MXD1: variants seen among roughly 807,000 people sequenced by gnomAD.
MXD1 encodes the protein MAX dimerization protein 1, also known as MAX-binding protein.
Under a neutral mutation model 25.7 loss-of-function variants are expected in MXD1, and 9 were observed. That is an observed-to-expected ratio of 0.35 (90% confidence interval 0.21 to 0.61). MXD1 has a LOEUF of 0.61. MXD1 is among the 20% of genes least tolerant of loss of function. The pLI is 0.75. For synonymous variants in MXD1, 99 were observed against 113.9 expected, an observed-to-expected ratio of 0.87 and a Z score of 0.83; for missense variants, 227 against 292.4, an observed-to-expected ratio of 0.78 and a Z score of 1.63.
At chr2:69,923,193 A>G (rs1677103893) in intron 3 of MXD1, among the ~76,000 whole-genome samples, 1 of 152,128 alleles carries the variant, frequency 6.6e-6, no homozygotes, top group Non-Finnish European at 1.5e-5. Context: ...CCTTACCCTT[A>G]GCAATTCTGA....
chr2:69,926,182 A>G (rs1350758694), intron 3 of MXD1, among the ~76,000 whole-genome samples: 3 of 152,214 alleles, frequency 2.0e-5, no homozygotes, highest in Admixed American at 6.5e-5. Flanking sequence ...CCAGTTTATC[A>G]TTTAGCTATA....
chr2:69,938,557 G>T lies in MXD1; in HGVS notation c.*273G>T. On this transcript the variant is annotated 3_prime_UTR_variant, in exon 6 of 6. Coordinates refer to ENST00000264444, the MANE Select transcript of MXD1 (RefSeq NM_002357.4). ...ATCCAAGAATTCTTAGACCGAATAA[G>T]CAATGTCCACATCTCAGCAATCCCC... 1 of 384,346 alleles carries T rather than the reference G, an allele frequency of 2.6e-6. No homozygotes were observed. Among genetic ancestry groups the T allele is most frequent in the Admixed American group, 4.2e-5 (1 of 24,092 alleles). 23.8% of individuals were successfully genotyped at this position (384,346 alleles called of 1,614,324 possible). A position where few individuals can be genotyped will look rare whatever the true frequency, so the allele number is the denominator to read the frequency against.
At position 69,942,394 on chromosome 2, in the gene MXD1, T is replaced by C. The variant is rs562636362; in HGVS notation, c.*4110T>C. On this transcript the variant is annotated 3_prime_UTR_variant, in exon 6 of 6. Transcript: ENST00000264444. ...TCATTATCAATATTACATGGATGAT[T>C]TTCTCAGATTCTTCTGAAAGAAGAA... The C allele has an allele frequency of 6.6e-6, 1 of 152,298 alleles. No homozygotes were observed. Among genetic ancestry groups the C allele is most frequent in the Admixed American group, 6.5e-5 (1 of 15,296 alleles). The allele number at this position is 152,298 out of a possible 1,614,324, so 9.4% of individuals were successfully genotyped here.
chr2:69,920,519 C>T (rs907802940), intron 2 of MXD1, among the ~76,000 whole-genome samples: 5 of 152,096 alleles, frequency 3.3e-5, no homozygotes, highest in Non-Finnish European at 7.4e-5. Context: ...CCCACATTCA[C>T]TCTCCTTACC....
intron 4 of MXD1, 104 bp downstream of exon 4, chr2:69,935,569 A>G: frequency 1.3e-6 from 1 of 749,738 alleles, no homozygotes; most frequent in Non-Finnish European, 2.4e-6. Context: ...CCTCCAGTCT[A>G]GCTATTGGAT....
At chr2:69,923,724 A>G (rs762639706) in intron 3 of MXD1, among the ~76,000 whole-genome samples, 95 of 152,306 alleles carry the variant, frequency 6.2e-4, no homozygotes, top group African/African-American at 2.3e-3. Flanking sequence ...TTAGCTATTT[A>G]CATATCATGA....
chr2:69,927,108 A>T (rs1485219929), intron 3 of MXD1, among the ~76,000 whole-genome samples: 2 of 152,350 alleles, frequency 1.3e-5, no homozygotes, highest in East Asian at 3.9e-4. Flanking sequence ...TTTCAGTGGC[A>T]TCTGGTCTGG....
intron 3 of MXD1, among the ~76,000 whole-genome samples, chr2:69,931,807 A>C (rs1366875662): frequency 6.6e-6 from 1 of 152,254 alleles, no homozygotes; most frequent in Admixed American, 6.5e-5. Context: ...GCTTATTCAG[A>C]ATAATTAAAG....
intron 3 of MXD1, 85 bp from the exon 4 acceptor site, chr2:69,935,266 C>T: frequency 1.1e-6 from 1 of 952,018 alleles, no homozygotes; most frequent in South Asian, 1.3e-5. Context: ...TGGGCAACTT[C>T]ACACTCTTTG....
intron 5 of MXD1, among the ~76,000 whole-genome samples, chr2:69,937,756 A>G (rs1243779062): frequency 6.6e-6 from 1 of 152,194 alleles, no homozygotes. Flanking sequence ...CTGGGATTAC[A>G]GGCACACACC....
rs572302773 is a variant in MXD1 at position 69,941,402 on chromosome 2, C to G, written c.*3118C>G. 6.6e-6 allele frequency: 1 copy of G among 152,200 alleles called. No homozygotes were observed. The highest frequency in any genetic ancestry group is 1.5e-5 in the Non-Finnish European group (1 of 68,034). 9.4% of individuals were successfully genotyped at this position (152,200 alleles called of 1,614,324 possible). The stretch of plus-strand genomic sequence containing the variant: ...TCAAGGTGCTGATAGCAACTGCTGG[C>G]TCCTTTCTGTAGTCACACACCTAAT... On this transcript the variant is annotated 3_prime_UTR_variant, in exon 6 of 6. Transcript: ENST00000264444.
At chr2:69,928,855 T>G (rs1677220673) in intron 3 of MXD1, among the ~76,000 whole-genome samples, 1 of 152,102 alleles carries the variant, frequency 6.6e-6, no homozygotes, top group South Asian at 2.1e-4. Context: ...AAAGAAAATA[T>G]AGCCTGGGAC....
In MXD1 at chr2:69,940,693, A is replaced by T. The variant is rs561025972; in HGVS notation, c.*2409A>T. The T allele has an allele frequency of 9.0e-4, 137 of 152,720 alleles. No homozygotes were observed. The highest frequency in any genetic ancestry group is 3.3e-3 in the African/African-American group (135 of 41,532). The allele number at this position is 152,720 out of a possible 1,614,324, so 9.5% of individuals were successfully genotyped here. The stretch of plus-strand genomic sequence containing the variant: ...TCAGTTTGATTGCATATAAATGTGG[A>T]ACTTGATAGATCTCTATATTTTTAA... On this transcript the variant is annotated 3_prime_UTR_variant, in exon 6 of 6. Coordinates refer to ENST00000264444, the MANE Select transcript of MXD1 (RefSeq NM_002357.4).
At position 69,940,234 on chromosome 2, in the gene MXD1, ATT is replaced by A. The variant is rs1677565140; in HGVS notation, c.*1954_*1955del. 1 of 149,574 alleles carries A rather than the reference ATT, an allele frequency of 6.7e-6. No individual in the cohort carries two copies. The highest frequency in any genetic ancestry group is 2.5e-5 in the African/African-American group (1 of 40,428). The allele number at this position is 149,574 out of a possible 1,614,324, so 9.3% of individuals were successfully genotyped here. On this transcript the variant is annotated 3_prime_UTR_variant, in exon 6 of 6. Transcript: ENST00000264444. ...GAAATACAACTTGTATGCCTTTTGC[ATT>A]TTTAAAGCCTGCTTCCTGGATTTAA...
intron 3 of MXD1, among the ~76,000 whole-genome samples, chr2:69,933,217 A>AC (rs1209060570): frequency 2.0e-5 from 3 of 151,348 alleles, no homozygotes; most frequent in South Asian, 2.1e-4. Flanking sequence ...AAAAAAAAAA[A>AC]AAAAAAACAA....
intron 2 of MXD1, among the ~76,000 whole-genome samples, chr2:69,921,213 G>A (rs1677058466): frequency 6.6e-6 from 1 of 152,152 alleles, no homozygotes; most frequent in South Asian, 2.1e-4. Flanking sequence ...CTATTTAACA[G>A]TAGCATCTTG....
rs1677515475 is a variant in MXD1 at position 69,938,520 on chromosome 2, T to C, written c.*236T>C. The C allele has an allele frequency of 4.2e-6, 2 of 476,732 alleles. No homozygotes were observed. Among genetic ancestry groups the C allele is most frequent in the Non-Finnish European group, 7.5e-6 (2 of 265,774 alleles). The allele number at this position is 476,732 out of a possible 1,614,324, so 29.5% of individuals were successfully genotyped here. A position where few individuals can be genotyped will look rare whatever the true frequency, so the allele number is the denominator to read the frequency against. On this transcript the variant is annotated 3_prime_UTR_variant, in exon 6 of 6. Transcript: ENST00000264444. ...GTCTCTGAGAGACTATACATTCCAA[T>C]CAATTTGAAGCATCCAAGAATTCTT... is the stretch of plus-strand genomic sequence containing the variant.
rs183620912 is a variant in MXD1, at chr2:69,931,228, G to T, written c.204-4123G>T. Among the ~76,000 whole-genome samples the T allele has an allele frequency of 7.9e-5, 12 of 152,008 alleles. No individual in the cohort carries two copies. In the East Asian group the frequency reaches 2.3e-3, roughly 29 times the overall value. On this transcript the variant is annotated intron_variant, in intron 3 of 5. Transcript: ENST00000264444. ...TTATTTAAAAATATACAATTATTTT[G>T]ACTATAGTTACCCTGTTGTGCTATC...
rs960952536 is a variant in MXD1, at chr2:69,935,246, T to TC, written c.204-104dup. 2.6e-5 allele frequency: 20 copies of TC among 755,100 alleles called. No homozygotes were observed. In the African/African-American group the frequency reaches 3.3e-4, roughly 13 times the overall value. 46.8% of individuals were successfully genotyped at this position (755,100 alleles called of 1,614,324 possible). A position where few individuals can be genotyped will look rare whatever the true frequency, so the allele number is the denominator to read the frequency against. ...AAAAGGTCATTGGTAGCATTTGCCA[T>TC]CGCAAGGCCTGGGCAACTTCACACT... On this transcript the variant is annotated intron_variant, in intron 3 of 5. Coordinates refer to ENST00000264444, the MANE Select transcript of MXD1 (RefSeq NM_002357.4).
Sources: gnomAD v4.1 joint callset for allele counts (sites outside exome capture counted in the v4.1 genomes callset) on GRCh38, gnomAD v4.1.1 for gene constraint, MANE v1.5 for transcripts, NCBI Gene and HGNC (gene_info 2026-07-23, HGNC 2026-07-21) for gene names.